The following BEND5 variants were observed in gnomAD, a reference collection of about 807,000 sequenced individuals.
BEND5 encodes the protein BEN domain-containing protein 5.
BEND5 carries 22 observed loss-of-function variants against 43.9 expected under a neutral mutation model. The observed-to-expected ratio is 0.50, with a 90% confidence interval of 0.36 to 0.72. BEND5 has a LOEUF of 0.72. Among genes scored for constraint, BEND5 ranks in the 30% least tolerant of loss-of-function variants. The pLI, the probability that BEND5 is intolerant of heterozygous loss-of-function variation, is 0.00. For synonymous variants in BEND5, 228 were observed against 225.9 expected, an observed-to-expected ratio of 1.01 and a Z score of -0.08; for missense variants, 428 against 550.6, an observed-to-expected ratio of 0.78 and a Z score of 2.23.
chr1:48,738,597 T>C (rs2148584238), intron 4 of BEND5, among the ~76,000 whole-genome samples: 1 of 152,346 alleles, frequency 6.6e-6, no homozygotes, highest in South Asian at 2.1e-4. Context: ...CTTCCTGAGA[T>C]AGGAGAAAAA....
At chr1:48,776,526 C>T in intron 1 of BEND5, 80 bp downstream of exon 1, 1 of 1,083,792 alleles carries the variant, frequency 9.2e-7, no homozygotes, top group Non-Finnish European at 1.2e-6. Flanking sequence ...CCCCCGGTCC[C>T]CTCCGCCCGG....
intron 5 of BEND5, among the ~76,000 whole-genome samples, chr1:48,731,376 T>C (rs1453325887): frequency 6.6e-6 from 1 of 152,238 alleles, no homozygotes; most frequent in African/African-American, 2.4e-5. Flanking sequence ...ATCAGATGTA[T>C]GGCCTTGGGC....
chr1:48,756,992 C>T (rs980022114), intron 3 of BEND5, among the ~76,000 whole-genome samples: 2 of 152,130 alleles, frequency 1.3e-5, no homozygotes, highest in Non-Finnish European at 2.9e-5. Context: ...TGCTTCAGGT[C>T]AAGTTTTTCT....
intron 3 of BEND5, among the ~76,000 whole-genome samples, chr1:48,757,185 C>T (rs1271436980): frequency 6.6e-6 from 1 of 152,006 alleles, no homozygotes; most frequent in Non-Finnish European, 1.5e-5. Flanking sequence ...CCCCACAAGC[C>T]CCCAAGAAGT....
At chr1:48,771,541 T>G (rs572132438) in intron 1 of BEND5, among the ~76,000 whole-genome samples, 2 of 152,336 alleles carry the variant, frequency 1.3e-5, no homozygotes, top group African/African-American at 4.8e-5. Flanking sequence ...AACATCCCAG[T>G]AGAATCCGCA....
intron 5 of BEND5, among the ~76,000 whole-genome samples, chr1:48,733,024 G>A (rs1648403681): frequency 6.6e-6 from 1 of 152,146 alleles, no homozygotes; most frequent in Non-Finnish European, 1.5e-5. Context: ...TGGGGACCTT[G>A]GTGAAAACAC....
chr1:48,768,365 G>T (rs1644636161), intron 1 of BEND5, among the ~76,000 whole-genome samples: 1 of 152,054 alleles, frequency 6.6e-6, no homozygotes, highest in Admixed American at 6.6e-5. Flanking sequence ...CCCAAATAGG[G>T]TCTCTACTCA....
chr1:48,756,281 C>A (rs990004675), intron 3 of BEND5, among the ~76,000 whole-genome samples: 6 of 152,310 alleles, frequency 3.9e-5, no homozygotes, highest in Admixed American at 3.3e-4. Context: ...CTTCAGGAAG[C>A]CTTCCTTCTC....
At chr1:48,731,951 A>G (rs1203307333) in intron 5 of BEND5, among the ~76,000 whole-genome samples, 1 of 152,156 alleles carries the variant, frequency 6.6e-6, no homozygotes, top group Non-Finnish European at 1.5e-5. Flanking sequence ...AAGCTGCCAG[A>G]GTAATGGAGG....
At chr1:48,768,961 C>CA (rs59957081) in intron 1 of BEND5, among the ~76,000 whole-genome samples, 3 of 151,814 alleles carry the variant, frequency 2.0e-5, no homozygotes, top group African/African-American at 4.8e-5. Flanking sequence ...GCCAAGACTA[C>CA]AAAAAAAAGA....
At chr1:48,743,401 T>G (rs1650240826) in intron 3 of BEND5, among the ~76,000 whole-genome samples, 1 of 152,192 alleles carries the variant, frequency 6.6e-6, no homozygotes, top group Non-Finnish European at 1.5e-5. Flanking sequence ...AGATAAATGG[T>G]GATAGTTTCT....
chr1:48,742,630 T>C lies in BEND5; in HGVS notation c.887A>G (p.Asn296Ser). The C allele has an allele frequency of 6.4e-7, 1 of 1,560,758 alleles. No homozygotes were observed. The highest frequency in any genetic ancestry group is 1.2e-5 in the South Asian group (1 of 83,604). ...TTGAGCTTAAAACACTACCTTGCCATTGTCTAGGATATACTTGTCCATGAC... is the reference window on the plus strand; with the variant it reads ...TTGAGCTTAAAACACTACCTTGCCACTGTCTAGGATATACTTGTCCATGAC... ...APVMDKYILD[N>S]GKVHLGSGIW... The change falls in exon 4 of 6, where the codon AAT becomes AGT. Residue 296 changes from asparagine to serine, a missense_variant. Coordinates refer to ENST00000371833, the MANE Select transcript of BEND5 (RefSeq NM_024603.4).
chr1:48,757,582 T>C (rs1277014823), intron 3 of BEND5, among the ~76,000 whole-genome samples: 1 of 152,164 alleles, frequency 6.6e-6, no homozygotes, highest in African/African-American at 2.4e-5. Context: ...CCAATGTCAT[T>C]TCCTTTTCTA....
At chr1:48,730,050 C>G (rs1647849865) in intron 5 of BEND5, among the ~76,000 whole-genome samples, 1 of 152,188 alleles carries the variant, frequency 6.6e-6, no homozygotes. Context: ...CTTCCAGATT[C>G]AGCTTTCTTG....
intron 3 of BEND5, among the ~76,000 whole-genome samples, chr1:48,750,200 A>G (rs1209955124): frequency 2.0e-5 from 3 of 152,190 alleles, no homozygotes; most frequent in African/African-American, 7.2e-5. Flanking sequence ...ATAGCAACTC[A>G]GGAGTTGAAG....
intron 3 of BEND5, 127 bp from the exon 4 acceptor site, chr1:48,742,898 T>C: frequency 1.1e-6 from 1 of 902,380 alleles, no homozygotes; most frequent in Non-Finnish European, 1.6e-6. Context: ...TCCATTGAAC[T>C]ACACTTAAAC....
intron 1 of BEND5, 77 bp downstream of exon 1, chr1:48,776,529 C>A: frequency 4.7e-6 from 5 of 1,070,468 alleles, no homozygotes; most frequent in South Asian, 1.9e-5. Flanking sequence ...CCGGTCCCCT[C>A]CGCCCGGGCC....
chr1:48,762,522 C>A (rs1644313273), intron 1 of BEND5, among the ~76,000 whole-genome samples: 1 of 152,106 alleles, frequency 6.6e-6, no homozygotes. Context: ...AAGGTTCCCA[C>A]TGGTGTATCC....
intron 3 of BEND5, among the ~76,000 whole-genome samples, chr1:48,750,998 G>A (rs1250930141): frequency 6.6e-6 from 1 of 152,144 alleles, no homozygotes; most frequent in African/African-American, 2.4e-5. Flanking sequence ...ATCCATGTTG[G>A]CTGAACACAA....
Sources: allele counts gnomAD v4.1 joint callset (sites outside exome capture counted in the v4.1 genomes callset), GRCh38; gene constraint gnomAD v4.1.1; transcripts MANE v1.5; gene names NCBI Gene and HGNC (gene_info 2026-07-23, HGNC 2026-07-21).